The following UNC5D variants were observed in gnomAD, a reference collection of about 807,000 sequenced individuals.
UNC5D encodes netrin receptor UNC5D.
UNC5D carries 39 observed loss-of-function variants against 105.4 expected under a neutral mutation model. The observed-to-expected ratio is 0.37, with a 90% CI of 0.29 to 0.48. UNC5D has a LOEUF of 0.48. Among genes scored for constraint, UNC5D ranks in the 20% least tolerant of loss-of-function variants. The pLI is 0.98. For synonymous variants in UNC5D, 452 were observed against 450.4 expected (o/e 1.00, Z -0.04); for missense variants, 991 against 1,202.4 (o/e 0.82, Z 2.60).
intron 1 of UNC5D, among the ~76,000 whole-genome samples, chr8:35,288,668 A>T (rs767409658): frequency 2.6e-5 from 4 of 152,230 alleles, no homozygotes; most frequent in Non-Finnish European, 5.9e-5. Context: ...AATTGTTGAG[A>T]TAGAAATTAC....
intron 4 of UNC5D, among the ~76,000 whole-genome samples, chr8:35,671,864 C>CT (rs1222247175): frequency 6.6e-6 from 1 of 151,914 alleles, no homozygotes; most frequent in Non-Finnish European, 1.5e-5. Flanking sequence ...ATGCACTTTG[C>CT]TGTTTTAATT....
chr8:35,514,758 T>G (rs1280443703), intron 1 of UNC5D, among the ~76,000 whole-genome samples: 1 of 152,242 alleles, frequency 6.6e-6, no homozygotes, highest in Non-Finnish European at 1.5e-5. Flanking sequence ...TTGGAGACTT[T>G]GAGCACACTG....
chr8:35,275,639 A>T (rs1186425971), intron 1 of UNC5D, among the ~76,000 whole-genome samples: 1 of 152,214 alleles, frequency 6.6e-6, no homozygotes, highest in Non-Finnish European at 1.5e-5. Context: ...GCCATCTGGC[A>T]TACGTAGAAT....
chr8:35,554,172 A>C (rs1227288125), intron 2 of UNC5D, among the ~76,000 whole-genome samples: 1 of 152,152 alleles, frequency 6.6e-6, no homozygotes, highest in Non-Finnish European at 1.5e-5. Flanking sequence ...TCAGTTGTTA[A>C]AGGCTGCAAA....
intron 1 of UNC5D, among the ~76,000 whole-genome samples, chr8:35,505,426 G>A (rs373738680): frequency 1.6e-3 from 248 of 152,306 alleles, no homozygotes; most frequent in African/African-American, 5.7e-3. Flanking sequence ...AATAGCTTGA[G>A]GCTCATGCAG....
At chr8:35,256,094 TA>T (rs1804056230) in intron 1 of UNC5D, 1 of 152,240 alleles carries the variant, frequency 6.6e-6, no homozygotes, top group African/African-American at 2.4e-5. Context: ...CCTATGTGTA[TA>T]CACACATACA....
chr8:35,709,023 C>T (rs1827775696), intron 8 of UNC5D, among the ~76,000 whole-genome samples: 1 of 152,004 alleles, frequency 6.6e-6, no homozygotes, highest in Non-Finnish European at 1.5e-5. Flanking sequence ...CTTCATCTCC[C>T]TTTTCCTGCT....
chr8:35,692,939 A>G (rs1826509616), intron 7 of UNC5D, among the ~76,000 whole-genome samples: 1 of 152,174 alleles, frequency 6.6e-6, no homozygotes, highest in African/African-American at 2.4e-5. Context: ...CTGCATAGCA[A>G]ATGTGGATAT....
At chr8:35,297,142 G>A (rs1361790045) in intron 1 of UNC5D, among the ~76,000 whole-genome samples, 1 of 152,112 alleles carries the variant, frequency 6.6e-6, no homozygotes, top group African/African-American at 2.4e-5. Flanking sequence ...GTGGTGAAGT[G>A]TGTTTATAAG....
intron 11 of UNC5D, among the ~76,000 whole-genome samples, chr8:35,746,357 T>C (rs1185653422): frequency 6.6e-6 from 1 of 152,152 alleles, no homozygotes; most frequent in African/African-American, 2.4e-5. Flanking sequence ...CATATTGTTA[T>C]TAATTGTGGG....
rs547473775 is a variant in UNC5D at position 35,726,385 on chromosome 8, G to A, written c.1537G>A (p.Gly513Arg). 6.2e-7 allele frequency: 1 copy of A among 1,614,068 alleles called. No homozygotes were observed. The highest frequency in any genetic ancestry group is 1.3e-5 in the African/African-American group (1 of 75,012). ...GKNHSRTFPH[G>R]NNHSFSTMHP... ...GAATCATTCCAGGACTTTTCCCCAT[G>A]GAAACAACCACAGCTTTAGTACAAT... The change falls in exon 10 of 17, where the codon GGA (glycine) becomes AGA (arginine). Residue 513 changes from glycine to arginine, a missense_variant. Gly to Arg is a moderately radical substitution (Grantham distance 125). Transcript: ENST00000404895.
Position 35,759,302 on chromosome 8 carries a change from C to A in UNC5D, c.2164-18C>A. ...GATATTTCATTATTGATCTTATTTT[C>A]TTTTTCTTCTCCTATAGGAAGTGGT... On this transcript the variant is annotated intron_variant, in intron 13 of 16. Coordinates refer to ENST00000404895, the MANE Select transcript of UNC5D (RefSeq NM_080872.4). The A allele has an allele frequency of 3.1e-6, 5 of 1,608,566 alleles. No individual in the cohort carries two copies. The highest frequency in any genetic ancestry group is 1.3e-5 in the African/African-American group (1 of 74,528).
chr8:35,406,363 G>A (rs1033599373), intron 1 of UNC5D, among the ~76,000 whole-genome samples: 28 of 152,062 alleles, frequency 1.8e-4, no homozygotes, highest in African/African-American at 6.3e-4. Context: ...CCTTTTTCCT[G>A]CAAGTTATTT....
chr8:35,377,447 G>A (rs927362455), intron 1 of UNC5D, among the ~76,000 whole-genome samples: 5 of 152,158 alleles, frequency 3.3e-5, no homozygotes, highest in Non-Finnish European at 7.3e-5. Context: ...GTGTGTCTCT[G>A]CAGGGCCCGG....
intron 1 of UNC5D, among the ~76,000 whole-genome samples, chr8:35,317,700 AG>A: frequency 6.6e-6 from 1 of 152,152 alleles, no homozygotes; most frequent in Non-Finnish European, 1.5e-5. Context: ...AGTAAGACTA[AG>A]GGTAGGTATG....
chr8:35,322,331 TC>T (rs955147106), intron 1 of UNC5D, among the ~76,000 whole-genome samples: 2 of 151,518 alleles, frequency 1.3e-5, no homozygotes, highest in Non-Finnish European at 2.9e-5. Context: ...TGTTTTTTTC[TC>T]CCCCCTTTTT....
chr8:35,327,382 A>T (rs1238652732), intron 1 of UNC5D, among the ~76,000 whole-genome samples: 1 of 152,130 alleles, frequency 6.6e-6, no homozygotes, highest in Non-Finnish European at 1.5e-5. Context: ...TTGTTGACCC[A>T]TCTCATGCCG....
rs538883798 is a variant in UNC5D at position 35,403,741 on chromosome 8, C to T, written c.104-145551C>T. Among the ~76,000 whole-genome samples the T allele has an allele frequency of 1.5e-3, 233 of 152,296 alleles. 1 individual carries two copies. Among genetic ancestry groups the T allele is most frequent in the African/African-American group, 5.4e-3 (225 of 41,574 alleles). Reference sequence around the variant, plus strand: ...CATACCTCAATGCCATTCTTTCGCTCACAATAAGAAAATTCTGCTGCTAAT... The same window carrying T: ...CATACCTCAATGCCATTCTTTCGCTTACAATAAGAAAATTCTGCTGCTAAT... On this transcript the variant is annotated intron_variant, in intron 1 of 16. Transcript: ENST00000404895.
chr8:35,760,746 C>T (rs1439926084), intron 14 of UNC5D, among the ~76,000 whole-genome samples: 2 of 151,570 alleles, frequency 1.3e-5, no homozygotes, highest in Admixed American at 6.6e-5. Context: ...GCGTCCTCTG[C>T]GTTTTGTAAC....
Sources: gnomAD v4.1 joint callset for allele counts (sites outside exome capture counted in the v4.1 genomes callset) on GRCh38, gnomAD v4.1.1 for gene constraint, MANE v1.5 for transcripts, NCBI Gene and HGNC (gene_info 2026-07-23, HGNC 2026-07-21) for gene names.